The following B4GALT6 variants were observed in gnomAD, a reference collection of about 807,000 sequenced individuals.
B4GALT6 encodes beta-1,4-galactosyltransferase 6.
A neutral mutation model predicts 46.3 loss-of-function variants in B4GALT6; 14 were observed. The observed-to-expected ratio is 0.30, with a 90% CI of 0.20 to 0.47. The LOEUF is 0.47. Among genes scored for constraint, B4GALT6 ranks in the 20% least tolerant of loss-of-function variants. B4GALT6 has a pLI of 0.99. For synonymous variants in B4GALT6, 168 were observed against 162.0 expected (o/e 1.04, Z -0.28); for missense variants, 386 against 480.1 (o/e 0.80, Z 1.83).
At chr18:31,656,506 T>C (rs1295575882) in intron 3 of B4GALT6, among the ~76,000 whole-genome samples, 1 of 151,860 alleles carries the variant, frequency 6.6e-6, no homozygotes, top group African/African-American at 2.4e-5. Context: ...TGATAATGTA[T>C]TATCTTCATA....
At chr18:31,648,857 T>G (rs187031037) in intron 3 of B4GALT6, among the ~76,000 whole-genome samples, 1 of 152,350 alleles carries the variant, frequency 6.6e-6, no homozygotes, top group East Asian at 1.9e-4. Flanking sequence ...TCAATAGTTT[T>G]AAATAACTAT....
the B4GALT6 span, chr18:31,724,387 C>A: frequency 9.0e-7 from 1 of 1,105,676 alleles, no homozygotes; most frequent in South Asian, 2.4e-5. Context: ...CTCTGACTCC[C>A]TGGGGCCAAC....
At chr18:31,654,618 A>C (rs1311327983) in intron 3 of B4GALT6, among the ~76,000 whole-genome samples, 2 of 152,212 alleles carry the variant, frequency 1.3e-5, no homozygotes, top group Non-Finnish European at 2.9e-5. Context: ...CAGTGTTTCC[A>C]TTGCTATACT....
chr18:31,662,878 A>C (rs927699501), intron 2 of B4GALT6, among the ~76,000 whole-genome samples: 15 of 152,270 alleles, frequency 9.9e-5, no homozygotes, highest in Admixed American at 2.0e-4. Flanking sequence ...CAAAATCATT[A>C]TTCCTACAAA....
chr18:31,698,411 C>T, the B4GALT6 span, among the ~76,000 whole-genome samples: 1 of 151,990 alleles, frequency 6.6e-6, no homozygotes, highest in Non-Finnish European at 1.5e-5. Context: ...AGGCAGATCA[C>T]TTGAGGTCAG....
chr18:31,629,447 A>ATTTTTTTTTTTTTTTTTTTTTTT lies in B4GALT6; in HGVS notation c.776+1489_776+1511dup, dbSNP rs869030382. Among the ~76,000 whole-genome samples, 6 of 32,882 alleles carry ATTTTTTTTTTTTTTTTTTTTTTT rather than the reference A, an allele frequency of 1.8e-4. 2 individuals are homozygous for ATTTTTTTTTTTTTTTTTTTTTTT. Among genetic ancestry groups the ATTTTTTTTTTTTTTTTTTTTTTT allele is most frequent in the Non-Finnish European group, 3.0e-4 (5 of 16,678 alleles). The allele number at this position is 32,882 out of a possible 152,430, so 21.6% of individuals were successfully genotyped here. A position where few individuals can be genotyped will look rare whatever the true frequency, so the allele number is the denominator to read the frequency against. ...ATTCTTAGTTTATATGCCCTTTATG[A>ATTTTTTTTTTTTTTTTTTTTTTT]TTTTTTTTTTTTTTTTTTTTTTTTT... On this transcript the variant is annotated intron_variant, in intron 6 of 8. Coordinates refer to ENST00000306851, the MANE Select transcript of B4GALT6 (RefSeq NM_004775.5).
At position 31,684,533 on chromosome 18, in the gene B4GALT6, C is replaced by G; in HGVS notation, c.-107G>C. ...TGTGCTGAGAACCCCGAGACTGCAG[C>G]GGGGTCCGCGCGGGGAGGCTCTGGG... On this transcript the variant is annotated 5_prime_UTR_variant, in exon 1 of 9. Coordinates refer to ENST00000306851, the MANE Select transcript of B4GALT6 (RefSeq NM_004775.5). 1.3e-6 allele frequency: 2 copies of G among 1,500,722 alleles called. No individual in the cohort carries two copies. Among genetic ancestry groups the G allele is most frequent in the Non-Finnish European group, 1.8e-6 (2 of 1,122,318 alleles). 93.0% of individuals were successfully genotyped at this position (1,500,722 alleles called of 1,614,324 possible).
At chr18:31,630,512 T>C (rs1318237039) in intron 6 of B4GALT6, among the ~76,000 whole-genome samples, 1 of 151,668 alleles carries the variant, frequency 6.6e-6, no homozygotes, top group Non-Finnish European at 1.5e-5. Context: ...CTCCAAACCA[T>C]CACTGGGGGA....
At chr18:31,659,417 G>C (rs1389132558) in intron 2 of B4GALT6, among the ~76,000 whole-genome samples, 1 of 152,188 alleles carries the variant, frequency 6.6e-6, no homozygotes, top group African/African-American at 2.4e-5. Flanking sequence ...CTTCAGGGCA[G>C]AGACTCACGC....
chr18:31,630,556 AC>A (rs978216993), intron 6 of B4GALT6, among the ~76,000 whole-genome samples: 4 of 152,140 alleles, frequency 2.6e-5, no homozygotes, highest in African/African-American at 9.7e-5. Flanking sequence ...TTATGCACCT[AC>A]CACACAGCAG....
At chr18:31,691,917 A>C in the B4GALT6 span, among the ~76,000 whole-genome samples, 432 of 151,132 alleles carry the variant, frequency 2.9e-3, 1 homozygote, top group Non-Finnish European at 5.2e-3. Context: ...AGCTATTCAA[A>C]AGAGAGAAAG....
chr18:31,712,040 T>C, the B4GALT6 span, among the ~76,000 whole-genome samples: 31 of 152,138 alleles, frequency 2.0e-4, no homozygotes, highest in African/African-American at 7.2e-4. Context: ...CACTCAAATG[T>C]TTGTTTTCTA....
chr18:31,679,760 A>G (rs890313003), intron 1 of B4GALT6, among the ~76,000 whole-genome samples: 1 of 152,194 alleles, frequency 6.6e-6, no homozygotes, highest in Non-Finnish European at 1.5e-5. Context: ...CAATTTCTCT[A>G]AAAGCAAAAT....
At chr18:31,703,897 T>TA in the B4GALT6 span, among the ~76,000 whole-genome samples, 4 of 152,210 alleles carry the variant, frequency 2.6e-5, no homozygotes, top group Non-Finnish European at 5.9e-5. Context: ...GTGAGAGGTT[T>TA]AAATATTATT....
intron 1 of B4GALT6, among the ~76,000 whole-genome samples, chr18:31,683,400 C>T (rs1253726834): frequency 6.6e-6 from 1 of 152,156 alleles, no homozygotes; most frequent in Non-Finnish European, 1.5e-5. Flanking sequence ...AGTAATTGAA[C>T]ATTAAATACG....
At chr18:31,677,824 T>G (rs2074431326) in intron 1 of B4GALT6, among the ~76,000 whole-genome samples, 1 of 151,788 alleles carries the variant, frequency 6.6e-6, no homozygotes, top group Non-Finnish European at 1.5e-5. Context: ...GCTCAGGCAG[T>G]GGTGACAAAA....
chr18:31,695,277 C>T, the B4GALT6 span, among the ~76,000 whole-genome samples: 2 of 142,362 alleles, frequency 1.4e-5, no homozygotes, highest in South Asian at 2.6e-4. Context: ...TCTGCCACTT[C>T]TCCTCCCTGA....
chr18:31,695,233 G>A, the B4GALT6 span, among the ~76,000 whole-genome samples: 1 of 151,350 alleles, frequency 6.6e-6, no homozygotes, highest in East Asian at 1.9e-4. Context: ...GGCAGAAGGT[G>A]GTTTCCAGTT....
upstream of B4GALT6, among the ~76,000 whole-genome samples, chr18:31,690,330 C>T (rs1457973464): frequency 1.3e-5 from 2 of 151,982 alleles, no homozygotes; most frequent in Non-Finnish European, 2.9e-5. Flanking sequence ...AGGTTTTCAC[C>T]ATGTTGGCCA....
Sources: gnomAD v4.1 joint callset for allele counts (sites outside exome capture counted in the v4.1 genomes callset) on GRCh38, gnomAD v4.1.1 for gene constraint, MANE v1.5 for transcripts, NCBI Gene and HGNC (gene_info 2026-07-23, HGNC 2026-07-21) for gene names.